FLT1: variants seen among roughly 807,000 people sequenced by gnomAD.
FLT1 encodes the protein fms related receptor tyrosine kinase 1.
Under a neutral mutation model 156.3 loss-of-function variants are expected in FLT1, and 49 were observed. The observed-to-expected ratio is 0.31, with a 90% CI of 0.25 to 0.40. The LOEUF is 0.40. Among genes scored for constraint, FLT1 ranks in the 10% least tolerant of loss-of-function variants. FLT1 has a pLI of 1.00. For missense variants in FLT1, 1,322 were observed against 1,637.2 expected (o/e 0.81, Z 3.32); for synonymous variants, 594 against 583.8 (o/e 1.02, Z -0.25).
intron 11 of FLT1, among the ~76,000 whole-genome samples, chr13:28,400,775 C>T (rs1213690459): frequency 1.3e-5 from 2 of 152,070 alleles, no homozygotes; most frequent in Non-Finnish European, 2.9e-5. Context: ...TTGAGTTGTG[C>T]GTTTGAAATT....
intron 1 of FLT1, among the ~76,000 whole-genome samples, chr13:28,493,966 G>A (rs7320786): frequency 2.4e-4 from 37 of 152,352 alleles, no homozygotes; most frequent in African/African-American, 7.2e-4. Flanking sequence ...GTAAGTTAAC[G>A]GTATTTGGGC....
chr13:28,483,218 T>G (rs903990520), intron 1 of FLT1, among the ~76,000 whole-genome samples: 1 of 152,242 alleles, frequency 6.6e-6, no homozygotes, highest in Admixed American at 6.5e-5. Flanking sequence ...TAATCATAGA[T>G]GCAGTGTTGT....
At position 28,321,492 on chromosome 13, in the gene FLT1, T is replaced by C; in HGVS notation, c.3145A>G (p.Lys1049Glu). 1 of 1,614,214 alleles carries C rather than the reference T, an allele frequency of 6.2e-7. No homozygotes were observed. Among genetic ancestry groups the C allele is most frequent in the Non-Finnish European group, 8.5e-7 (1 of 1,180,010 alleles). The change falls in exon 23 of 30, where the codon AAG (lysine) becomes GAG (glutamate). Residue 1049 changes from lysine to glutamate, a missense_variant. Physicochemically the swap from Lys to Glu is moderately conservative, Grantham distance 56. Around this residue, in one of 3 missense-constraint regions of FLT1, gnomAD observed 329 missense variants for 366.2 expected, o/e 0.90. Transcript: ENST00000282397. Reference protein sequence around the residue: ...CDFGLARDIYKNPDYVRKGDT... With the variant: ...CDFGLARDIYENPDYVRKGDT... Reference sequence around the variant, plus strand: ...CCTTTTCTCACATAATCGGGGTTCTTATAAATATCCCGGGCAAGGCCAAAA... The same window carrying C: ...CCTTTTCTCACATAATCGGGGTTCTCATAAATATCCCGGGCAAGGCCAAAA...
chr13:28,415,781 T>A (rs964021031), intron 10 of FLT1, among the ~76,000 whole-genome samples: 2 of 152,190 alleles, frequency 1.3e-5, no homozygotes, highest in African/African-American at 2.4e-5. Flanking sequence ...TGAGAGTAGA[T>A]CCTTGGATAC....
chr13:28,473,753 G>A (rs1318591272), intron 1 of FLT1, among the ~76,000 whole-genome samples: 7 of 76,182 alleles, frequency 9.2e-5, no homozygotes, highest in African/African-American at 2.9e-4. Context: ...AAGGAAGGAA[G>A]GAAGGAAGGA....
intron 28 of FLT1, among the ~76,000 whole-genome samples, chr13:28,307,532 A>G (rs1428128599): frequency 6.6e-6 from 1 of 152,246 alleles, no homozygotes; most frequent in Non-Finnish European, 1.5e-5. Context: ...TGTGCCAAGC[A>G]GTCAAACAAG....
At chr13:28,321,612 T>C (rs771844919) in intron 22 of FLT1, 27 bp from the exon 23 acceptor site, 9 of 1,613,274 alleles carry the variant, frequency 5.6e-6, no homozygotes, top group Non-Finnish European at 7.6e-6. Flanking sequence ...GCATAATCAA[T>C]GCATTTCCTT....
At chr13:28,438,939 C>G (rs747565756) in intron 3 of FLT1, among the ~76,000 whole-genome samples, 11 of 152,232 alleles carry the variant, frequency 7.2e-5, no homozygotes, top group Non-Finnish European at 1.6e-4. Context: ...GCCGGAGAAG[C>G]TGTGTTGAAT....
chr13:28,374,222 C>T lies in FLT1; in HGVS notation c.2116+10663G>A, dbSNP rs548073975. 3.3e-5 allele frequency among the ~76,000 whole-genome samples: 5 copies of T among 151,732 alleles called. No individual in the cohort carries two copies. In the South Asian group the frequency reaches 1.0e-3, roughly 32 times the overall value. The stretch of plus-strand genomic sequence containing the variant: ...TTGCCACAATTTAAAAAAATGAGGC[C>T]TGGGCAACATAGAAAGACCACCATC... On this transcript the variant is annotated intron_variant, in intron 14 of 29. Transcript: ENST00000282397.
chr13:28,458,757 ACGTAG>A (rs1157700548), intron 3 of FLT1, among the ~76,000 whole-genome samples: 1 of 152,208 alleles, frequency 6.6e-6, no homozygotes, highest in Non-Finnish European at 1.5e-5. Flanking sequence ...TCCAATTTCC[ACGTAG>A]CTGGAAAGGA....
intron 11 of FLT1, among the ~76,000 whole-genome samples, chr13:28,398,518 C>T (rs192262368): frequency 1.2e-4 from 18 of 152,328 alleles, no homozygotes; most frequent in African/African-American, 4.3e-4. Context: ...ATCAGGAAGA[C>T]TTAAACACAT....
At chr13:28,323,899 AT>A (rs1871575738) in intron 20 of FLT1, among the ~76,000 whole-genome samples, 2 of 152,184 alleles carry the variant, frequency 1.3e-5, no homozygotes, top group South Asian at 4.2e-4. Context: ...TTTCTCTTCC[AT>A]TTAAACAAAG....
At chr13:28,388,034 T>A in intron 13 of FLT1, 1 of 1,059,160 alleles carries the variant, frequency 9.4e-7, no homozygotes, top group South Asian at 4.6e-5. Context: ...TTCTGTTTGC[T>A]TTTTTAATGT....
intron 1 of FLT1, among the ~76,000 whole-genome samples, chr13:28,487,139 G>A (rs376302488): frequency 2.1e-3 from 318 of 152,306 alleles, no homozygotes; most frequent in African/African-American, 7.4e-3. Context: ...CCTATGCCTA[G>A]GTCCCTCTCA....
At chr13:28,304,438 G>A (rs1256798118) in intron 29 of FLT1, among the ~76,000 whole-genome samples, 1 of 151,928 alleles carries the variant, frequency 6.6e-6, no homozygotes, top group African/African-American at 2.4e-5. Context: ...ATCACTTGGA[G>A]GCACTTGTTG....
chr13:28,388,694 T>TA (rs1191817057), intron 13 of FLT1: 4 of 1,056,596 alleles, frequency 3.8e-6, no homozygotes, highest in Non-Finnish European at 4.6e-6. Context: ...CATTTGCATA[T>TA]GGGGAAAGTG....
Position 28,433,901 on chromosome 13 carries a change from C to G in FLT1, c.731G>C (p.Arg244Thr), listed in dbSNP as rs2137551998. The G allele has an allele frequency of 6.2e-7, 1 of 1,613,988 alleles. No individual in the cohort carries two copies. Among genetic ancestry groups the G allele is most frequent in the Admixed American group, 1.7e-5 (1 of 60,014 alleles). The change falls in exon 6 of 30, where the codon AGA becomes ACA. Residue 244 changes from arginine to threonine, a missense_variant. Transcript: ENST00000282397. ...ACAATTGAGGACAAGAGTATGGCCTCTAAGTAATTTGACTGGGCGTGGTGT... is the reference window on the plus strand; with the variant it reads ...ACAATTGAGGACAAGAGTATGGCCTGTAAGTAATTTGACTGGGCGTGGTGT... ...ISTPRPVKLL[R>T]GHTLVLNCTA...
chr13:28,422,717 G>T (rs1877082332), intron 10 of FLT1, among the ~76,000 whole-genome samples: 1 of 152,190 alleles, frequency 6.6e-6, no homozygotes, highest in Non-Finnish European at 1.5e-5. Context: ...ACCCATTCAG[G>T]CCACACAATT....
At chr13:28,395,401 C>A (rs1194146618) in intron 12 of FLT1, among the ~76,000 whole-genome samples, 2 of 152,110 alleles carry the variant, frequency 1.3e-5, no homozygotes, top group Non-Finnish European at 2.9e-5. Context: ...AACTGTGAGC[C>A]ACATGTGGCT....
Sources: gnomAD v4.1 joint callset for allele counts (sites outside exome capture counted in the v4.1 genomes callset) on GRCh38, gnomAD v4.1.1 for gene constraint, gnomAD v4.1.1 regional missense constraint, MANE v1.5 for transcripts, NCBI Gene and HGNC (gene_info 2026-07-23, HGNC 2026-07-21) for gene names.